The following SPTLC2 variants were observed in gnomAD, a reference collection of about 807,000 sequenced individuals.
SPTLC2 encodes serine palmitoyltransferase long chain base subunit 2, also known as serine palmitoyltransferase 2.
SPTLC2 carries 21 observed loss-of-function variants against 62.0 expected under a neutral mutation model. That is an observed-to-expected ratio of 0.34 (90% CI 0.24 to 0.49). SPTLC2 has a LOEUF of 0.49. Ranked by LOEUF, SPTLC2 falls within the 20% of genes least tolerant of loss-of-function variation. The pLI is 0.99. For missense variants in SPTLC2, 511 were observed against 713.0 expected (o/e 0.72, Z 3.23); for synonymous variants, 261 against 261.8 (o/e 1.00, Z 0.03).
intron 2 of SPTLC2, among the ~76,000 whole-genome samples, chr14:77,583,630 T>C (rs2079765820): frequency 6.6e-6 from 1 of 152,178 alleles, no homozygotes; most frequent in Admixed American, 6.6e-5. Flanking sequence ...TTAAGGCTTA[T>C]GTAATACTCA....
At chr14:77,516,054 C>T (rs1480199777) in intron 11 of SPTLC2, among the ~76,000 whole-genome samples, 2 of 146,752 alleles carry the variant, frequency 1.4e-5, no homozygotes, top group Non-Finnish European at 3.0e-5. Flanking sequence ...TTTCTATATA[C>T]AGAATCATGT....
intron 11 of SPTLC2, among the ~76,000 whole-genome samples, chr14:77,517,076 G>A (rs754049676): frequency 3.3e-5 from 5 of 152,098 alleles, no homozygotes; most frequent in Non-Finnish European, 5.9e-5. Context: ...GAGAAACCCT[G>A]ACTCTACTAA....
intron 9 of SPTLC2, among the ~76,000 whole-genome samples, chr14:77,526,003 G>A (rs942242827): frequency 6.6e-6 from 1 of 152,080 alleles, no homozygotes; most frequent in African/African-American, 2.4e-5. Flanking sequence ...TACCATTTTT[G>A]ACCTTAAAGC....
chr14:77,529,430 C>CT (rs2079425772), intron 9 of SPTLC2, among the ~76,000 whole-genome samples: 1 of 150,828 alleles, frequency 6.6e-6, no homozygotes, highest in Non-Finnish European at 1.5e-5. Context: ...TTAAAGACCT[C>CT]TTACACAAGT....
chr14:77,604,894 T>TAAAAA (rs2079897164), intron 1 of SPTLC2, among the ~76,000 whole-genome samples: 1 of 137,192 alleles, frequency 7.3e-6, no homozygotes, highest in African/African-American at 2.7e-5. Context: ...AAAGGTAAAA[T>TAAAAA]GACAAAGTCA....
At chr14:77,550,445 A>G (rs2140016152) in intron 9 of SPTLC2, among the ~76,000 whole-genome samples, 1 of 152,264 alleles carries the variant, frequency 6.6e-6, no homozygotes, top group East Asian at 1.9e-4. Flanking sequence ...GTGGTGGCGC[A>G]TGCCTGTAAT....
At chr14:77,590,345 G>A (rs2079809085) in intron 2 of SPTLC2, among the ~76,000 whole-genome samples, 1 of 152,234 alleles carries the variant, frequency 6.6e-6, no homozygotes, top group African/African-American at 2.4e-5. Context: ...GTACAGAGTA[G>A]TAAACAAAAA....
chr14:77,605,330 T>C (rs1291270029), intron 1 of SPTLC2, among the ~76,000 whole-genome samples: 2 of 152,150 alleles, frequency 1.3e-5, no homozygotes, highest in African/African-American at 2.4e-5. Context: ...CTTATTCTTA[T>C]GTCATGTTTG....
intron 8 of SPTLC2, among the ~76,000 whole-genome samples, chr14:77,552,921 C>T (rs2079563384): frequency 6.6e-6 from 1 of 151,900 alleles, no homozygotes; most frequent in African/African-American, 2.4e-5. Flanking sequence ...AAAATGTCAT[C>T]TGCAGCTCTG....
intron 9 of SPTLC2, among the ~76,000 whole-genome samples, chr14:77,544,816 A>T (rs1042143514): frequency 6.6e-6 from 1 of 152,204 alleles, no homozygotes; most frequent in African/African-American, 2.4e-5. Flanking sequence ...GATTAGAGAA[A>T]ATCCCCTACA....
At chr14:77,579,184 T>C (rs1201139468) in intron 2 of SPTLC2, 75 bp from the exon 3 acceptor site, 2 of 1,492,508 alleles carry the variant, frequency 1.3e-6, no homozygotes, top group African/African-American at 1.4e-5. Flanking sequence ...GATGACATGA[T>C]CTTTTATTTA....
At chr14:77,534,598 C>CACACACACACACACACACACAA (rs2079459421) in intron 9 of SPTLC2, among the ~76,000 whole-genome samples, 1 of 151,820 alleles carries the variant, frequency 6.6e-6, no homozygotes, top group African/African-American at 2.4e-5. Flanking sequence ...TACACACACA[C>CACACACACACACACACACACAA]ACACACATAT....
chr14:77,549,139 C>CCTTG (rs945967739), intron 9 of SPTLC2, among the ~76,000 whole-genome samples: 1 of 151,584 alleles, frequency 6.6e-6, no homozygotes, highest in Non-Finnish European at 1.5e-5. Context: ...TTGCTGCCAT[C>CCTTG]CTTGGGTAAT....
intron 11 of SPTLC2, among the ~76,000 whole-genome samples, chr14:77,515,061 C>A (rs2079352076): frequency 1.3e-5 from 2 of 152,186 alleles, no homozygotes; most frequent in Non-Finnish European, 2.9e-5. Context: ...TTGTTGAAAA[C>A]AAATTGGCCA....
chr14:77,575,700 TTATC>T (rs1244500094), intron 4 of SPTLC2, among the ~76,000 whole-genome samples: 1 of 151,924 alleles, frequency 6.6e-6, no homozygotes, highest in African/African-American at 2.4e-5. Context: ...TTCGGCTACT[TTATC>T]TTTATTTTTT....
intron 2 of SPTLC2, among the ~76,000 whole-genome samples, chr14:77,591,730 G>GTATGTATGTATGTATTTATT (rs372095112): frequency 0.1 from 13,633 of 130,778 alleles, 745 homozygotes; most frequent in South Asian, 0.17. Context: ...ATGTATGTAT[G>GTATGTATGTATGTATTTATT]TATTTATTTT....
intron 9 of SPTLC2, among the ~76,000 whole-genome samples, chr14:77,551,893 G>A (rs1399309917): frequency 1.3e-5 from 2 of 152,070 alleles, no homozygotes; most frequent in African/African-American, 2.4e-5. Flanking sequence ...CTATAAACAA[G>A]AAAATTCCAT....
At chr14:77,538,552 A>G (rs965630121) in intron 9 of SPTLC2, among the ~76,000 whole-genome samples, 4 of 152,138 alleles carry the variant, frequency 2.6e-5, no homozygotes, top group Non-Finnish European at 5.9e-5. Context: ...TTCACTTATT[A>G]GTAGTTTTAA....
chr14:77,560,305 G>GGGGGT (rs2079607552), intron 6 of SPTLC2, among the ~76,000 whole-genome samples: 1 of 152,076 alleles, frequency 6.6e-6, no homozygotes, highest in African/African-American at 2.4e-5. Context: ...AAAAAAATGT[G>GGGGGT]GGCCAGGCGT....
Sources: gnomAD v4.1 joint callset for allele counts (sites outside exome capture counted in the v4.1 genomes callset) on GRCh38, gnomAD v4.1.1 for gene constraint, MANE v1.5 for transcripts, NCBI Gene and HGNC (gene_info 2026-07-23, HGNC 2026-07-21) for gene names.